PDE4D: variants seen among roughly 807,000 people sequenced by gnomAD.
The protein encoded by PDE4D is phosphodiesterase 4D.
In PDE4D, 24 loss-of-function variants were observed where a neutral mutation model predicts 87.4. The ratio of observed to expected loss-of-function variants is 0.27; its 90% CI spans 0.20 to 0.39. The LOEUF (loss-of-function observed/expected upper bound fraction) is 0.39, where lower values mean the gene tolerates loss of function less well. PDE4D is among the 10% of genes least tolerant of loss of function. The probability of loss-of-function intolerance (pLI) is 1.00; values close to 1 mark genes in which losing one functional copy is unlikely to be tolerated. For synonymous variants in PDE4D, 384 were observed against 383.2 expected, an observed-to-expected ratio of 1.00 and a Z score of -0.02; for missense variants, 714 against 1,041.0, an observed-to-expected ratio of 0.69 and a Z score of 4.32.
At chr5:60,086,927 G>C (rs1011778626) in intron 2 of PDE4D, among the ~76,000 whole-genome samples, 1 of 152,178 alleles carries the variant, frequency 6.6e-6, no homozygotes, top group Non-Finnish European at 1.5e-5. Context: ...GCAAGGGGGG[G>C]CACCATTCAA....
At chr5:59,762,854 GATATAT>G (rs35979900) in intron 1 of PDE4D, among the ~76,000 whole-genome samples, 2,584 of 51,622 alleles carry the variant, frequency 0.05, 119 homozygotes, top group African/African-American at 0.14. Flanking sequence ...ACTGCTTAAG[GATATAT>G]ATATATATAT....
Position 59,487,029 on chromosome 5 carries a change from T to C in PDE4D, c.456-271061A>G, listed in dbSNP as rs575845282. Among the ~76,000 whole-genome samples, 86 of 152,284 alleles carry C rather than the reference T, an allele frequency of 5.6e-4. 2 individuals carry two copies. The South Asian group carries it at 9.9e-3, about 18-fold the overall frequency. On this transcript the variant is annotated intron_variant, in intron 1 of 14. Transcript: ENST00000340635. ...CTAAGAGTTGTCTATCAGGAATGCA[T>C]AGAAGTAGAAGATAATAGGAATCAT...
chr5:59,476,156 G>A (rs1456507276), intron 1 of PDE4D, among the ~76,000 whole-genome samples: 2 of 151,886 alleles, frequency 1.3e-5, no homozygotes, highest in Non-Finnish European at 2.9e-5. Flanking sequence ...TTCTGTTTCT[G>A]GATACAGTGA....
intron 1 of PDE4D, among the ~76,000 whole-genome samples, chr5:59,503,831 T>C (rs776568432): frequency 3.3e-5 from 5 of 152,168 alleles, no homozygotes; most frequent in Non-Finnish European, 7.4e-5. Context: ...TAAAATGCAT[T>C]TATATCTAAA....
intron 2 of PDE4D, among the ~76,000 whole-genome samples, chr5:60,144,832 C>T (rs779615435): frequency 6.6e-6 from 1 of 152,126 alleles, no homozygotes; most frequent in Non-Finnish European, 1.5e-5. Context: ...ATCCAGTGCA[C>T]ATAACAGGTA....
At chr5:59,062,064 A>C (rs1763211527) in intron 5 of PDE4D, among the ~76,000 whole-genome samples, 1 of 152,114 alleles carries the variant, frequency 6.6e-6, no homozygotes, top group Admixed American at 6.6e-5. Flanking sequence ...GGAGCAAGGC[A>C]ATAGCATTAT....
At chr5:59,341,223 A>T (rs1406428239) in intron 1 of PDE4D, among the ~76,000 whole-genome samples, 2 of 152,178 alleles carry the variant, frequency 1.3e-5, no homozygotes, top group African/African-American at 4.8e-5. Context: ...ACACAGGTAC[A>T]ATGTGTTTAT....
chr5:59,482,978 G>A lies in PDE4D; in HGVS notation c.456-267010C>T, dbSNP rs769852958. On this transcript the variant is annotated intron_variant, in intron 1 of 14. Coordinates refer to ENST00000340635, the MANE Select transcript of PDE4D (RefSeq NM_001104631.2). ...TTTGAACTGGTAGACTGAGGAAAGC[G>A]GTTACTCTCCTACATTTGGATGGCC... 4.6e-5 allele frequency among the ~76,000 whole-genome samples: 7 copies of A among 152,108 alleles called. No individual in the cohort carries two copies. In the East Asian group the frequency reaches 7.7e-4, roughly 17 times the overall value.
chr5:60,228,407 T>C (rs1745385316), intron 1 of PDE4D, among the ~76,000 whole-genome samples: 1 of 152,084 alleles, frequency 6.6e-6, no homozygotes, highest in South Asian at 2.1e-4. Flanking sequence ...CAACAGAGTA[T>C]ATGGGTAACT....
At chr5:59,587,550 C>T (rs1825348105) in intron 1 of PDE4D, 1 of 985,432 alleles carries the variant, frequency 1.0e-6, no homozygotes, top group South Asian at 4.7e-5. Context: ...GCCGCCTTGT[C>T]TGCCCTGGGC....
At chr5:59,710,948 G>A (rs902870678) in intron 1 of PDE4D, among the ~76,000 whole-genome samples, 1 of 152,130 alleles carries the variant, frequency 6.6e-6, no homozygotes, top group Non-Finnish European at 1.5e-5. Flanking sequence ...ACATTTTACA[G>A]GGAAAGGAAG....
chr5:59,140,309 T>A (rs28385324), intron 5 of PDE4D, among the ~76,000 whole-genome samples: 3 of 151,950 alleles, frequency 2.0e-5, no homozygotes, highest in African/African-American at 7.3e-5. Context: ...TGATGCCTGG[T>A]CTAAGAGCTT....
intron 1 of PDE4D, among the ~76,000 whole-genome samples, chr5:59,319,944 A>G (rs1439501693): frequency 6.6e-6 from 1 of 152,126 alleles, no homozygotes; most frequent in African/African-American, 2.4e-5. Context: ...ACAAACACCG[A>G]AAAGTGAAAT....
At chr5:59,586,619 T>A in intron 1 of PDE4D, 1 of 1,238,780 alleles carries the variant, frequency 8.1e-7, no homozygotes, top group Non-Finnish European at 1.0e-6. Flanking sequence ...GGTCCATCCA[T>A]TTAGGTTCCA....
intron 1 of PDE4D, among the ~76,000 whole-genome samples, chr5:59,228,051 A>G (rs113216759): frequency 0.029 from 4,375 of 152,288 alleles, 226 homozygotes; most frequent in African/African-American, 0.1. Context: ...GTACATATAT[A>G]CCATGGAAAA....
chr5:59,308,575 T>G (rs1401686075), intron 1 of PDE4D, among the ~76,000 whole-genome samples: 1 of 152,086 alleles, frequency 6.6e-6, no homozygotes, highest in African/African-American at 2.4e-5. Context: ...CCCTTCTAGC[T>G]TGTAGGCTTT....
At position 59,064,507 on chromosome 5, in the gene PDE4D, A is replaced by G. The variant is rs77016724; in HGVS notation, c.809-25536T>C. Among the ~76,000 whole-genome samples the G allele has an allele frequency of 2.7e-4, 41 of 152,176 alleles. No individual in the cohort carries two copies. In the East Asian group the frequency reaches 7.5e-3, roughly 28 times the overall value. On this transcript the variant is annotated intron_variant, in intron 5 of 14. Transcript: ENST00000340635. ...AAAGTGTGGTTTGCTGTCATGTCCT[A>G]CAGGCTACCCGTTTCCCAGTGATTT... is the stretch of plus-strand genomic sequence containing the variant.
At chr5:59,965,955 G>T (rs1384750932) in intron 3 of PDE4D, among the ~76,000 whole-genome samples, 1 of 152,110 alleles carries the variant, frequency 6.6e-6, no homozygotes, top group Non-Finnish European at 1.5e-5. Context: ...TGTTTTTATG[G>T]ATGTTAACTC....
At chr5:59,610,794 G>C (rs985646513) in intron 1 of PDE4D, among the ~76,000 whole-genome samples, 1 of 152,200 alleles carries the variant, frequency 6.6e-6, no homozygotes, top group Non-Finnish European at 1.5e-5. Flanking sequence ...GTGAAGACAT[G>C]AAGTCTGTAA....
Sources: allele counts gnomAD v4.1 joint callset (sites outside exome capture counted in the v4.1 genomes callset), GRCh38; gene constraint gnomAD v4.1.1; transcripts MANE v1.5; gene names NCBI Gene and HGNC (gene_info 2026-07-23, HGNC 2026-07-21).